Variants in MARCHF4 observed in about 807,000 individuals in gnomAD.
The protein encoded by MARCHF4 is E3 ubiquitin-protein ligase MARCHF4.
In MARCHF4, 14 loss-of-function variants were observed where a neutral mutation model predicts 43.9. That is an observed-to-expected ratio of 0.32 (90% CI 0.21 to 0.50). The LOEUF (loss-of-function observed/expected upper bound fraction) is 0.50, where lower values mean the gene tolerates loss of function less well. Among genes scored for constraint, MARCHF4 ranks in the 20% least tolerant of loss-of-function variants. The pLI is 0.98. For missense variants in MARCHF4, 468 were observed against 536.7 expected, an observed-to-expected ratio of 0.87 and a Z score of 1.27; for synonymous variants, 226 against 213.3, an observed-to-expected ratio of 1.06 and a Z score of -0.52.
chr2:216,270,810 G>A (rs1465597329), intron 3 of MARCHF4, among the ~76,000 whole-genome samples: 1 of 151,930 alleles, frequency 6.6e-6, no homozygotes, highest in Non-Finnish European at 1.5e-5. Context: ...TCTCCTAAGA[G>A]GGACCCAAAC....
At chr2:216,296,843 G>A (rs1413457607) in intron 1 of MARCHF4, among the ~76,000 whole-genome samples, 1 of 152,160 alleles carries the variant, frequency 6.6e-6, no homozygotes, top group Non-Finnish European at 1.5e-5. Flanking sequence ...CCTTTCTGAG[G>A]GTGGCGTAAT....
chr2:216,271,722 C>G (rs1051631050), intron 3 of MARCHF4, among the ~76,000 whole-genome samples: 37 of 152,250 alleles, frequency 2.4e-4, no homozygotes, highest in African/African-American at 7.7e-4. Context: ...CCCTCCCCAA[C>G]AAGAAGAAAG....
intron 1 of MARCHF4, among the ~76,000 whole-genome samples, chr2:216,326,814 G>A (rs1691999974): frequency 6.8e-6 from 1 of 147,254 alleles, no homozygotes; most frequent in African/African-American, 2.5e-5. Context: ...ACTGTTGTGG[G>A]GTGGAGGGAG....
chr2:216,366,850 A>G (rs915917944), intron 1 of MARCHF4, among the ~76,000 whole-genome samples: 2 of 152,036 alleles, frequency 1.3e-5, no homozygotes, highest in Non-Finnish European at 2.9e-5. Flanking sequence ...GCTTCAGGAG[A>G]GCAGAAATCT....
intron 3 of MARCHF4, chr2:216,265,781 T>TTA (rs1393053809): frequency 6.6e-5 from 10 of 152,298 alleles, no homozygotes; most frequent in African/African-American, 2.4e-4. Context: ...CATGAACCAC[T>TTA]GAGCCCAGCT....
intron 1 of MARCHF4, among the ~76,000 whole-genome samples, chr2:216,328,686 T>C (rs1339539853): frequency 6.6e-6 from 1 of 152,144 alleles, no homozygotes; most frequent in Non-Finnish European, 1.5e-5. Context: ...AATAGAATAT[T>C]GGTTGCAAAG....
At chr2:216,339,103 G>T (rs1331505998) in intron 1 of MARCHF4, among the ~76,000 whole-genome samples, 1 of 152,140 alleles carries the variant, frequency 6.6e-6, no homozygotes, top group Non-Finnish European at 1.5e-5. Context: ...AAAAAGGCAA[G>T]GGGAGCCTTG....
intron 1 of MARCHF4, among the ~76,000 whole-genome samples, chr2:216,366,554 C>A: frequency 6.6e-6 from 1 of 152,144 alleles, no homozygotes; most frequent in Non-Finnish European, 1.5e-5. Flanking sequence ...ATGCTAAGCT[C>A]GTTCACATTC....
chr2:216,317,540 A>G (rs1299862234), intron 1 of MARCHF4, among the ~76,000 whole-genome samples: 1 of 152,084 alleles, frequency 6.6e-6, no homozygotes, highest in African/African-American at 2.4e-5. Context: ...CAGCCTCTCA[A>G]GTAGCTGAGA....
intron 1 of MARCHF4, among the ~76,000 whole-genome samples, chr2:216,297,930 A>G (rs1691423169): frequency 6.6e-6 from 1 of 152,204 alleles, no homozygotes; most frequent in Non-Finnish European, 1.5e-5. Context: ...TCAAATCCAG[A>G]TGGATTCTCA....
In MARCHF4 at chr2:216,259,449, C is replaced by T. The variant is rs370447341; in HGVS notation, c.1096G>A (p.Gly366Ser). 24 of 1,613,958 alleles carry T rather than the reference C, an allele frequency of 1.5e-5. No homozygotes were observed. The highest frequency in any genetic ancestry group is 5.3e-5 in the African/African-American group (4 of 74,912). Residue 366 changes from glycine (G) to serine (S), a missense_variant, in exon 4 of 4, where the codon GGC becomes AGC. Gly to Ser is a moderately conservative substitution (Grantham distance 56, BLOSUM62 0). Transcript: ENST00000273067. Reference protein sequence around the residue: ...APEQGPAQAAGHPSGPLSHHH... With the variant: ...APEQGPAQAASHPSGPLSHHH... ...TGGGACAGAGGGCCTGAGGGGTGGC[C>T]GGCAGCCTGGGCAGGGCCCTGCTCA... is the stretch of plus-strand genomic sequence containing the variant.
intron 1 of MARCHF4, among the ~76,000 whole-genome samples, chr2:216,366,181 G>C (rs1692663724): frequency 6.6e-6 from 1 of 152,188 alleles, no homozygotes; most frequent in Non-Finnish European, 1.5e-5. Context: ...ATGACATGGG[G>C]ACTATTATTA....
chr2:216,323,664 C>A (rs974795053), intron 1 of MARCHF4, among the ~76,000 whole-genome samples: 8 of 152,186 alleles, frequency 5.3e-5, no homozygotes. Context: ...GAAACTCACT[C>A]AAAACCACTC....
At chr2:216,321,137 T>C (rs1212341443) in intron 1 of MARCHF4, among the ~76,000 whole-genome samples, 1 of 152,104 alleles carries the variant, frequency 6.6e-6, no homozygotes, top group Non-Finnish European at 1.5e-5. Context: ...GGCTTCCTAC[T>C]GTCTGTAGGA....
intron 1 of MARCHF4, among the ~76,000 whole-genome samples, chr2:216,335,814 T>C (rs1345782318): frequency 1.3e-5 from 2 of 152,108 alleles, no homozygotes; most frequent in Non-Finnish European, 2.9e-5. Context: ...ATGCCTGTAA[T>C]CCCAGAACTT....
chr2:216,319,837 G>A (rs1691850738), intron 1 of MARCHF4, among the ~76,000 whole-genome samples: 1 of 152,100 alleles, frequency 6.6e-6, no homozygotes, highest in Admixed American at 6.6e-5. Context: ...AACTTCCCAG[G>A]CTCACTACTC....
At chr2:216,280,775 A>G (rs1691114567) in intron 2 of MARCHF4, among the ~76,000 whole-genome samples, 1 of 152,202 alleles carries the variant, frequency 6.6e-6, no homozygotes, top group South Asian at 2.1e-4. Flanking sequence ...AGGAAAAATA[A>G]TAGTGCCCAC....
intron 1 of MARCHF4, among the ~76,000 whole-genome samples, chr2:216,288,729 A>G (rs1201184033): frequency 1.3e-5 from 2 of 152,042 alleles, no homozygotes; most frequent in Non-Finnish European, 2.9e-5. Flanking sequence ...CTTGGTTGTG[A>G]TGGAGGTGGT....
In MARCHF4 at chr2:216,283,687, A is replaced by G. The variant is rs1691170279; in HGVS notation, c.559T>C (p.Cys187Arg). ...SPCRCDGSVK[C>R]THQPCLIKWI... is the part of the protein sequence containing the mutation. ...TTGATGAGGCAAGGCTGGTGTGTGC[A>G]CTTGACCGAGCCATCACAGCGGCAT... Residue 187 changes from cysteine to arginine, a missense_variant, in exon 2 of 4, where the codon TGC becomes CGC. By Grantham distance (180) the Cys-to-Arg change is radical. This residue lies in a region of MARCHF4 where 158 missense variants were observed against 251.1 expected (regional missense o/e 0.63). Coordinates refer to ENST00000273067, the MANE Select transcript of MARCHF4 (RefSeq NM_020814.3). The G allele has an allele frequency of 6.2e-7, 1 of 1,612,980 alleles. No individual in the cohort carries two copies. The highest frequency in any genetic ancestry group is 8.5e-7 in the Non-Finnish European group (1 of 1,179,040).
Sources: gnomAD v4.1 joint callset for allele counts (sites outside exome capture counted in the v4.1 genomes callset) on GRCh38, gnomAD v4.1.1 for gene constraint, gnomAD v4.1.1 regional missense constraint, MANE v1.5 for transcripts, NCBI Gene and HGNC (gene_info 2026-07-23, HGNC 2026-07-21) for gene names.